Variants in EIF3E observed in about 807,000 individuals in gnomAD.
EIF3E encodes the protein eukaryotic translation initiation factor 3 subunit E, also known as eIF-3 p48.
EIF3E carries 25 observed loss-of-function variants against 59.3 expected under a neutral mutation model. The observed-to-expected ratio is 0.42, with a 90% CI of 0.31 to 0.59. The LOEUF (loss-of-function observed/expected upper bound fraction) is 0.59, where lower values mean the gene tolerates loss of function less well. Ranked by LOEUF, EIF3E falls within the 20% of genes least tolerant of loss-of-function variation. The pLI is 0.15. For synonymous variants in EIF3E, 176 were observed against 170.2 expected, an observed-to-expected ratio of 1.03 and a Z score of -0.26; for missense variants, 317 against 534.3, an observed-to-expected ratio of 0.59 and a Z score of 4.01.
Position 108,211,749 on chromosome 8 carries a change from G to A in EIF3E, c.1061+2858C>T, listed in dbSNP as rs115058273. 4.3e-3 allele frequency among the ~76,000 whole-genome samples: 647 copies of A among 152,230 alleles called. 6 individuals are homozygous for A. The highest frequency in any genetic ancestry group is 0.015 in the African/African-American group (619 of 41,520). On this transcript the variant is annotated intron_variant, in intron 10 of 12. Coordinates refer to ENST00000220849, the MANE Select transcript of EIF3E (RefSeq NM_001568.3). ...TGGTTTTGGATTCTGGCTGTGCTTC[G>A]GAATAACCACCCTCAAGATACAGCA...
chr8:108,223,946 G>T (rs1299383123), intron 7 of EIF3E, among the ~76,000 whole-genome samples: 2 of 151,238 alleles, frequency 1.3e-5, no homozygotes, highest in Non-Finnish European at 2.9e-5. Context: ...GGCCAGGCAC[G>T]GTGGCTCACA....
intron 7 of EIF3E, among the ~76,000 whole-genome samples, chr8:108,226,037 T>C (rs972894583): frequency 6.6e-6 from 1 of 152,196 alleles, no homozygotes; most frequent in African/African-American, 2.4e-5. Context: ...CCAAGTAACA[T>C]TCTTTCATTA....
chr8:108,236,556 T>A (rs1815733540), intron 3 of EIF3E, among the ~76,000 whole-genome samples: 1 of 152,222 alleles, frequency 6.6e-6, no homozygotes, highest in African/African-American at 2.4e-5. Flanking sequence ...CTACTGAGAA[T>A]GGTTTTTGCT....
intron 7 of EIF3E, among the ~76,000 whole-genome samples, chr8:108,219,700 A>G (rs1815369394): frequency 6.6e-6 from 1 of 151,910 alleles, no homozygotes. Flanking sequence ...ACATAGTGAA[A>G]CCTTGTCTCT....
chr8:108,229,357 CAAAAAACCTTTGCT>C (rs1586203740), intron 5 of EIF3E, 162 bp from the exon 6 acceptor site: 1 of 612,936 alleles, frequency 1.6e-6, no homozygotes, highest in Non-Finnish European at 2.5e-6. Context: ...TGGTTTGTTT[CAAAAAACCTTTGCT>C]AAAAATACTC....
At chr8:108,206,633 G>GACAC (rs148591843) in intron 10 of EIF3E, among the ~76,000 whole-genome samples, 73,918 of 150,690 alleles carry the variant, frequency 0.49, 18,051 homozygotes, top group African/African-American at 0.55. Flanking sequence ...TGGTCGCACA[G>GACAC]ACACACACAC....
At chr8:108,204,066 G>A (rs1448234291) in intron 10 of EIF3E, among the ~76,000 whole-genome samples, 1 of 151,936 alleles carries the variant, frequency 6.6e-6, no homozygotes, top group East Asian at 1.9e-4. Flanking sequence ...ACATGCATAG[G>A]TTATATGAAA....
At position 108,220,334 on chromosome 8, in the gene EIF3E, TA is replaced by T. The variant is rs565829972; in HGVS notation, c.723-2875del. ...TAATCACTTTCAATTCAACTGTAGT[TA>T]AATTTTGAAATATAGAAATTTCCTT... On this transcript the variant is annotated intron_variant, in intron 7 of 12. Coordinates refer to ENST00000220849, the MANE Select transcript of EIF3E (RefSeq NM_001568.3). Among the ~76,000 whole-genome samples, 6 of 152,354 alleles carry T rather than the reference TA, an allele frequency of 3.9e-5. No homozygotes were observed. In the East Asian group the frequency reaches 1.2e-3, roughly 29 times the overall value.
At chr8:108,246,780 T>G (rs548310644) in intron 1 of EIF3E, among the ~76,000 whole-genome samples, 1 of 152,306 alleles carries the variant, frequency 6.6e-6, no homozygotes, top group African/African-American at 2.4e-5. Context: ...TTCATGATGA[T>G]GTACTTCCAC....
At chr8:108,248,034 GGGC>G (rs1221741696) in intron 1 of EIF3E, among the ~76,000 whole-genome samples, 20 of 138,090 alleles carry the variant, frequency 1.4e-4, no homozygotes, top group African/African-American at 3.9e-4. Context: ...CTGGGGGGGG[GGGC>G]GGGGGAGCGC....
In EIF3E at chr8:108,217,475, A is replaced by G. The variant is rs1321342274; in HGVS notation, c.723-15T>C. On this transcript the variant is annotated splice_polypyrimidine_tract_variant and intron_variant, in intron 7 of 12. Coordinates refer to ENST00000220849, the MANE Select transcript of EIF3E (RefSeq NM_001568.3). ...CATTAAGATATCTAAGAAAAAATATAAAAGTTATTTAATAACTTACCCAGG... is the reference window on the plus strand; with the variant it reads ...CATTAAGATATCTAAGAAAAAATATGAAAGTTATTTAATAACTTACCCAGG... 5.1e-6 allele frequency: 8 copies of G among 1,576,404 alleles called. No individual in the cohort carries two copies. The highest frequency in any genetic ancestry group is 6.9e-6 in the Non-Finnish European group (8 of 1,164,216).
chr8:108,241,566 T>G (rs770362186), intron 2 of EIF3E, among the ~76,000 whole-genome samples: 54 of 152,314 alleles, frequency 3.5e-4, no homozygotes, highest in Middle Eastern at 6.8e-3. Context: ...TGATACATAC[T>G]ATGAAATGAA....
At position 108,203,046 on chromosome 8, in the gene EIF3E, G is replaced by T. The variant is rs370672091; in HGVS notation, c.1236C>A (p.Ser412=). ...QQVIEKTKSL[S]FRSQMLAMNI... is the part of the protein sequence containing the mutation. ...TCATGGCCAACATCTGGCTTCTAAA[G>T]GAAAGGCTTTTGGTCTTTTCAATCA... Residue 412 remains serine (S), a synonymous_variant, in exon 12 of 13, where the codon TCC becomes TCA. Transcript: ENST00000220849. 1.9e-6 allele frequency: 3 copies of T among 1,612,792 alleles called. No individual in the cohort carries two copies. The highest frequency in any genetic ancestry group is 2.5e-6 in the Non-Finnish European group (3 of 1,179,136).
At chr8:108,202,927 G>A (rs1420678820) in intron 12 of EIF3E, 56 bp downstream of exon 12, 72 of 1,526,756 alleles carry the variant, frequency 4.7e-5, no homozygotes, top group Non-Finnish European at 6.1e-5. Context: ...GAAACTTCAT[G>A]TAACAATTAC....
At chr8:108,242,346 C>G in intron 1 of EIF3E, 5 of 1,289,526 alleles carry the variant, frequency 3.9e-6, no homozygotes, top group Non-Finnish European at 5.1e-6. Flanking sequence ...GCTGAAACAA[C>G]CTGCACCAAG....
At chr8:108,214,212 A>T (rs915014159) in intron 10 of EIF3E, among the ~76,000 whole-genome samples, 18 of 152,222 alleles carry the variant, frequency 1.2e-4, no homozygotes, top group Non-Finnish European at 2.6e-4. Flanking sequence ...CTAAATGGAA[A>T]GGATTACCAA....
At chr8:108,215,482 G>A (rs1255902658) in intron 9 of EIF3E, among the ~76,000 whole-genome samples, 1 of 152,088 alleles carries the variant, frequency 6.6e-6, no homozygotes, top group Non-Finnish European at 1.5e-5. Flanking sequence ...ACCGGGCGTG[G>A]TGGTGGGCGC....
At chr8:108,242,933 G>C (rs750474096) in intron 1 of EIF3E, 1 of 153,238 alleles carries the variant, frequency 6.5e-6, no homozygotes, top group Non-Finnish European at 1.5e-5. Flanking sequence ...CAACTACTTT[G>C]TAAGATTTTT....
At position 108,201,532 on chromosome 8, in the gene EIF3E, G is replaced by A. The variant is rs1418078141; in HGVS notation, c.*353C>T. 6.3e-6 allele frequency: 1 copy of A among 158,402 alleles called. No homozygotes were observed. The highest frequency in any genetic ancestry group is 1.4e-5 in the Non-Finnish European group (1 of 72,370). 9.8% of individuals were successfully genotyped at this position (158,402 alleles called of 1,614,324 possible). A position where few individuals can be genotyped will look rare whatever the true frequency, so the allele number is the denominator to read the frequency against. On this transcript the variant is annotated 3_prime_UTR_variant, in exon 13 of 13. Coordinates refer to ENST00000220849, the MANE Select transcript of EIF3E (RefSeq NM_001568.3). ...CAAATCTACACGTGATAAAATGGTA[G>A]GGAGCTATTTGTACACACATTGTAC...
Sources: allele counts gnomAD v4.1 joint callset (sites outside exome capture counted in the v4.1 genomes callset), GRCh38; gene constraint gnomAD v4.1.1; transcripts MANE v1.5; gene names NCBI Gene and HGNC (gene_info 2026-07-23, HGNC 2026-07-21).